ABCG5: variants seen among roughly 807,000 people sequenced by gnomAD.
ABCG5 encodes the protein ATP-binding cassette sub-family G member 5.
ABCG5 carries 64 observed loss-of-function variants against 64.5 expected under a neutral mutation model. The ratio of observed to expected loss-of-function variants is 0.99; its 90% CI spans 0.81 to 1.22. ABCG5 has a LOEUF of 1.22. Among genes scored for constraint, ABCG5 ranks in the 50% most tolerant of loss-of-function variants. ABCG5 has a pLI of 0.00. For missense variants in ABCG5, 908 were observed against 829.5 expected (o/e 1.09, Z -1.16); for synonymous variants, 385 against 326.3 (o/e 1.18, Z -1.94).
chr2:43,838,862 C>G (rs1668451009), upstream of ABCG5: 5 of 1,272,810 alleles, frequency 3.9e-6, no homozygotes, highest in Non-Finnish European at 4.4e-6. This position sits in a 1 kb window ranked among gnomAD's most constrained non-coding sequence, Gnocchi z 4.2. Context: ...GCCAGCGCGT[C>G]CTTATCTTGA....
downstream of ABCG5, among the ~76,000 whole-genome samples, chr2:43,809,198 C>A (rs1343153554): frequency 2.6e-5 from 4 of 152,084 alleles, no homozygotes; most frequent in African/African-American, 9.7e-5. Context: ...CCCTATGTTG[C>A]CCAGGCTGGT....
chr2:43,808,201 G>C (rs896414131), downstream of ABCG5, among the ~76,000 whole-genome samples: 7 of 151,396 alleles, frequency 4.6e-5, no homozygotes, highest in Admixed American at 4.6e-4. Context: ...AAAACAAGCT[G>C]TAAAGACTAC....
Position 43,824,258 on chromosome 2 carries a change from T to C in ABCG5, c.1079A>G (p.Asp360Gly), listed in dbSNP as rs1415943158. 7.4e-6 allele frequency: 12 copies of C among 1,614,246 alleles called. No homozygotes were observed. The highest frequency in any genetic ancestry group is 1.1e-5 in the South Asian group (1 of 91,086). The change falls in exon 8 of 13, where the codon GAT becomes GGT. Residue 360 changes from aspartate (D) to glycine (G), a missense_variant. Asp to Gly is a moderately conservative substitution (Grantham distance 94, BLOSUM62 -1). Transcript: ENST00000405322. ...CAGTTTAGAGAAAACTCCAGGAGAA[T>C]CTTTGGTTTTGAAAGGAACCATTGG... is the stretch of plus-strand genomic sequence containing the variant. ...TLPMVPFKTK[D>G]SPGVFSKLGV...
At chr2:43,831,362 T>A (rs1170148188) in intron 4 of ABCG5, among the ~76,000 whole-genome samples, 1 of 152,060 alleles carries the variant, frequency 6.6e-6, no homozygotes, top group Non-Finnish European at 1.5e-5. Flanking sequence ...TTATAGAGAC[T>A]GAGTCTCGCT....
chr2:43,809,668 T>A, downstream of ABCG5: 1 of 1,514,568 alleles, frequency 6.6e-7, no homozygotes, highest in Non-Finnish European at 9.1e-7. Flanking sequence ...ATTAGTAAAG[T>A]TGATTTTTCT....
Position 43,831,834 on chromosome 2 carries a change from C to A in ABCG5, c.436G>T (p.Glu146Ter), listed in dbSNP as rs758551848. 1.6e-5 allele frequency: 25 copies of A among 1,586,618 alleles called. No individual in the cohort carries two copies. Among genetic ancestry groups the A allele is most frequent in the African/African-American group, 2.7e-5 (2 of 74,594 alleles). The change falls in exon 4 of 13, where the codon GAG becomes TAG. Residue 146 changes from glutamate to a stop codon, truncating the protein, a stop_gained. Transcript: ENST00000405322. LOFTEE classifies it high-confidence loss of function. Reference protein sequence around the residue: ...DTLLSSLTVRETLHYTALLAI... With the variant: ...DTLLSSLTVR ...AGCAGCGCGGTGTAGTGCAGCGTCT[C>A]GCGCACGGTGAGGCTGCTCAGCAGG...
upstream of ABCG5, chr2:43,838,868 C>G (rs67374873): frequency 2.4e-6 from 3 of 1,238,824 alleles, no homozygotes; most frequent in African/African-American, 1.5e-5. The surrounding 1 kb of genome is among the most constrained non-coding windows in gnomAD (Gnocchi z 4.2). Context: ...GCGTCCTTAT[C>G]TTGACAGTGG....
chr2:43,838,690 C>A lies in ABCG5; in HGVS notation c.-11G>T. On this transcript the variant is annotated 5_prime_UTR_variant, in exon 1 of 13. Coordinates refer to ENST00000405322, the MANE Select transcript of ABCG5 (RefSeq NM_022436.3). This position sits in a 1 kb window ranked among gnomAD's most constrained non-coding sequence, Gnocchi z 4.2. ...TGAGAGGTCACCCATGGCCAACAGG[C>A]AGCAAAGCTGGGCAAATTTTCTGGT... is the stretch of plus-strand genomic sequence containing the variant. 1.2e-6 allele frequency: 2 copies of A among 1,613,402 alleles called. No individual in the cohort carries two copies. The highest frequency in any genetic ancestry group is 1.7e-6 in the Non-Finnish European group (2 of 1,179,836).
chr2:43,818,238 G>A (rs1227347782), intron 11 of ABCG5, among the ~76,000 whole-genome samples: 1 of 152,082 alleles, frequency 6.6e-6, no homozygotes, highest in Non-Finnish European at 1.5e-5. Context: ...AATCACTTGA[G>A]GTCGAGACTA....
downstream of ABCG5, chr2:43,809,993 T>C (rs949206369): frequency 2.0e-4 from 243 of 1,192,794 alleles, no homozygotes; most frequent in Non-Finnish European, 2.2e-4. Flanking sequence ...AAAAGAATCT[T>C]CTACTACCTA....
Position 43,838,522 on chromosome 2 carries a change from A to G in ABCG5, c.143+15T>C. ...CACTCCTGGGGGAGCAGCAGCAGCA[A>G]GGGCTCTGCCTTACCTGACGCTGTA... On this transcript the variant is annotated intron_variant, in intron 1 of 12. Transcript: ENST00000405322. This position sits in a 1 kb window ranked among gnomAD's most constrained non-coding sequence, Gnocchi z 4.2. The G allele has an allele frequency of 2.5e-6, 4 of 1,591,906 alleles. No homozygotes were observed. Among genetic ancestry groups the G allele is most frequent in the Non-Finnish European group, 3.4e-6 (4 of 1,169,908 alleles).
At chr2:43,820,297 G>T (rs1232794503) in intron 10 of ABCG5, among the ~76,000 whole-genome samples, 197 bp from the exon 11 acceptor site, 1 of 152,166 alleles carries the variant, frequency 6.6e-6, no homozygotes, top group Non-Finnish European at 1.5e-5. Flanking sequence ...GTTCCCATTG[G>T]CTGCAACTCA....
chr2:43,809,987 G>T (rs1345535566), downstream of ABCG5: 2 of 1,225,918 alleles, frequency 1.6e-6, no homozygotes, highest in Non-Finnish European at 2.1e-6. Flanking sequence ...TAAAATAAAA[G>T]AATCTTCTAC....
At chr2:43,834,516 T>A (rs768662164) in intron 2 of ABCG5, among the ~76,000 whole-genome samples, 3 of 152,220 alleles carry the variant, frequency 2.0e-5, no homozygotes, top group South Asian at 2.1e-4. Flanking sequence ...CTTTTTTTTT[T>A]ATAATAATGA....
chr2:43,822,750 A>G (rs1369994644), intron 10 of ABCG5, 47 bp downstream of exon 10: 3 of 1,612,964 alleles, frequency 1.9e-6, no homozygotes, highest in Non-Finnish European at 2.5e-6. Flanking sequence ...CACTAGCTCC[A>G]TGACTCCATG....
chr2:43,829,859 T>A (rs192121916), intron 4 of ABCG5, among the ~76,000 whole-genome samples: 1 of 152,008 alleles, frequency 6.6e-6, no homozygotes, highest in African/African-American at 2.4e-5. Context: ...GGGAGTGGGG[T>A]TGACGGCATA....
At chr2:43,816,313 A>T (rs1864815) in intron 11 of ABCG5, among the ~76,000 whole-genome samples, 61,364 of 152,010 alleles carry the variant, frequency 0.4, 13,681 homozygotes, top group African/African-American at 0.59. Context: ...AATCTATTAC[A>T]GCAAAGGAAG....
intron 9 of ABCG5, among the ~76,000 whole-genome samples, 174 bp from the exon 10 acceptor site, chr2:43,823,109 C>T (rs1447938510): frequency 7.9e-6 from 1 of 126,604 alleles, no homozygotes; most frequent in Admixed American, 7.6e-5. Flanking sequence ...AATCCCCACC[C>T]CGGAAATCTA....
intron 5 of ABCG5, 60 bp from the exon 6 acceptor site, chr2:43,826,581 A>G (rs1667619468): frequency 1.9e-6 from 3 of 1,611,668 alleles, no homozygotes; most frequent in Non-Finnish European, 2.5e-6. Flanking sequence ...CTGTGCTTAA[A>G]ACTCAGAGTT....
Sources: allele counts gnomAD v4.1 joint callset (sites outside exome capture counted in the v4.1 genomes callset), GRCh38; gene constraint gnomAD v4.1.1; non-coding constraint Gnocchi (gnomAD v3.1); transcripts MANE v1.5; gene names NCBI Gene and HGNC (gene_info 2026-07-23, HGNC 2026-07-21).